The following ARAP2 variants were observed in gnomAD, a reference collection of about 807,000 sequenced individuals.
ARAP2 encodes arf-GAP with Rho-GAP domain, ANK repeat and PH domain-containing protein 2.
In ARAP2, 148 loss-of-function variants were observed where a neutral mutation model predicts 194.5. That is an observed-to-expected ratio of 0.76 (90% CI 0.67 to 0.87). ARAP2 has a LOEUF of 0.87. ARAP2 is among the 40% of genes least tolerant of loss of function. The probability of loss-of-function intolerance (pLI) is 0.00; values close to 1 mark genes in which losing one functional copy is unlikely to be tolerated. For synonymous variants in ARAP2, 695 were observed against 683.5 expected, an observed-to-expected ratio of 1.02 and a Z score of -0.26; for missense variants, 2,128 against 1,989.7, an observed-to-expected ratio of 1.07 and a Z score of -1.32.
chr4:36,202,087 A>G (rs980948544), intron 6 of ARAP2, among the ~76,000 whole-genome samples: 4 of 152,194 alleles, frequency 2.6e-5, no homozygotes, highest in South Asian at 2.1e-4. Context: ...ACATAGCCCT[A>G]AAGAATCACA....
intron 6 of ARAP2, among the ~76,000 whole-genome samples, chr4:36,017,379 G>A (rs2109328685): frequency 6.6e-6 from 1 of 151,308 alleles, no homozygotes; most frequent in East Asian, 1.9e-4. Context: ...ATACTGTGGG[G>A]AAGAGACAGA....
At chr4:36,204,989 A>G (rs1305848966) in intron 6 of ARAP2, among the ~76,000 whole-genome samples, 2 of 7,376 alleles carry the variant, frequency 2.7e-4, no homozygotes, top group African/African-American at 7.7e-4. Context: ...CTCCATCTCA[A>G]AAAAAAAAAA....
intron 28 of ARAP2, 149 bp downstream of exon 28, chr4:36,091,732 T>A: frequency 1.2e-6 from 1 of 868,238 alleles, no homozygotes; most frequent in Admixed American, 3.2e-5. Flanking sequence ...CATTAATATC[T>A]TATACCATAG....
chr4:36,011,973 G>A (rs969071748), intron 9 of ARAP2, among the ~76,000 whole-genome samples: 1 of 152,282 alleles, frequency 6.6e-6, no homozygotes, highest in African/African-American at 2.4e-5. Flanking sequence ...AAGCAGGGAT[G>A]TGTTAGATTT....
intron 8 of ARAP2, 134 bp from the exon 9 acceptor site, chr4:36,178,139 A>T: frequency 1.4e-6 from 1 of 729,728 alleles, no homozygotes; most frequent in Non-Finnish European, 2.1e-6. Flanking sequence ...TCTAAATGCT[A>T]CTGTAAACAG....
intron 32 of ARAP2, among the ~76,000 whole-genome samples, chr4:36,071,948 G>T (rs1156989844): frequency 6.6e-6 from 1 of 151,444 alleles, no homozygotes; most frequent in Non-Finnish European, 1.5e-5. Flanking sequence ...AGAATATGCG[G>T]TGTTTGGTTT....
At chr4:36,111,048 T>C (rs1004928741) in intron 26 of ARAP2, among the ~76,000 whole-genome samples, 10 of 151,940 alleles carry the variant, frequency 6.6e-5, no homozygotes, top group African/African-American at 2.2e-4. Flanking sequence ...TACCAAACAT[T>C]TATTATACAA....
chr4:36,227,971 G>C (rs1008911855), intron 2 of ARAP2, among the ~76,000 whole-genome samples: 3 of 152,096 alleles, frequency 2.0e-5, no homozygotes, highest in Non-Finnish European at 4.4e-5. Context: ...CACTGGTAGA[G>C]CCCCTCTTTG....
intron 9 of ARAP2, among the ~76,000 whole-genome samples, chr4:36,169,866 A>G (rs569676311): frequency 6.6e-6 from 1 of 152,256 alleles, no homozygotes; most frequent in African/African-American, 2.4e-5. Context: ...TATGGTTTTG[A>G]GTAATTAGAG....
At chr4:36,172,695 A>C in intron 9 of ARAP2, among the ~76,000 whole-genome samples, 1 of 152,224 alleles carries the variant, frequency 6.6e-6, no homozygotes, top group East Asian at 1.9e-4. Context: ...TGTTAACCCC[A>C]AATCTGCTGA....
intron 9 of ARAP2, among the ~76,000 whole-genome samples, chr4:36,168,760 T>C (rs1403064386): frequency 6.6e-6 from 1 of 152,148 alleles, no homozygotes; most frequent in Non-Finnish European, 1.5e-5. Flanking sequence ...CAATCAGTGA[T>C]ATAAAAGAAA....
intron 21 of ARAP2, among the ~76,000 whole-genome samples, chr4:36,128,116 T>C (rs571860506): frequency 4.0e-4 from 61 of 152,108 alleles, no homozygotes; most frequent in African/African-American, 1.4e-3. Flanking sequence ...ACTAAAGATG[T>C]AGAACACATA....
At chr4:36,119,052 T>C (rs934287412) in intron 24 of ARAP2, among the ~76,000 whole-genome samples, 4 of 151,388 alleles carry the variant, frequency 2.6e-5, no homozygotes, top group Non-Finnish European at 5.9e-5. Flanking sequence ...AGATGACTAA[T>C]CATCAACCTT....
chr4:36,182,578 C>T (rs1438080619), intron 8 of ARAP2, among the ~76,000 whole-genome samples: 1 of 151,956 alleles, frequency 6.6e-6, no homozygotes, highest in Non-Finnish European at 1.5e-5. Flanking sequence ...CATGATTTGA[C>T]CTTCGTATTA....
chr4:36,090,355 T>C (rs541964484), intron 28 of ARAP2, among the ~76,000 whole-genome samples: 5 of 152,224 alleles, frequency 3.3e-5, no homozygotes, highest in South Asian at 2.1e-4. Context: ...CCATTCCTAC[T>C]GAAACTATTC....
At chr4:36,136,144 G>C (rs1053347756) in intron 19 of ARAP2, among the ~76,000 whole-genome samples, 3 of 151,764 alleles carry the variant, frequency 2.0e-5, no homozygotes, top group African/African-American at 7.3e-5. Context: ...AAAATTTGTG[G>C]ACACTGAATA....
chr4:36,044,889 C>T (rs1435209345), intron 5 of ARAP2, among the ~76,000 whole-genome samples: 1 of 151,354 alleles, frequency 6.6e-6, no homozygotes. Flanking sequence ...GACCAAAGAA[C>T]CTGAATAGAC....
intron 7 of ARAP2, among the ~76,000 whole-genome samples, chr4:36,191,446 A>G (rs1466069186): frequency 2.0e-5 from 3 of 151,824 alleles, no homozygotes; most frequent in Non-Finnish European, 2.9e-5. Flanking sequence ...GAGGTGATCA[A>G]AATATACTTA....
chr4:36,043,831 G>GGGAAGGGA (rs1560311515), intron 5 of ARAP2, among the ~76,000 whole-genome samples: 30 of 14,028 alleles, frequency 2.1e-3, no homozygotes, highest in Admixed American at 6.3e-3. Context: ...AAGGGAAGGG[G>GGGAAGGGA]AGGGGAGGGG....
Sources: gnomAD v4.1 joint callset for allele counts (sites outside exome capture counted in the v4.1 genomes callset) on GRCh38, gnomAD v4.1.1 for gene constraint, MANE v1.5 for transcripts, NCBI Gene and HGNC (gene_info 2026-07-23, HGNC 2026-07-21) for gene names.